SMOC2: variants seen among roughly 807,000 people sequenced by gnomAD.
SMOC2 encodes the protein SPARC-related modular calcium-binding protein 2.
In SMOC2, 39 loss-of-function variants were observed where a neutral mutation model predicts 61.4. That is an observed-to-expected ratio of 0.64 (90% CI 0.49 to 0.83). SMOC2 has a LOEUF of 0.83. Ranked by LOEUF, SMOC2 falls within the 40% of genes least tolerant of loss-of-function variation. The pLI is 0.00. For missense variants in SMOC2, 556 were observed against 592.9 expected (o/e 0.94, Z 0.65); for synonymous variants, 247 against 239.9 (o/e 1.03, Z -0.27).
chr6:168,449,755 TAGA>T (rs899180225), intron 1 of SMOC2, among the ~76,000 whole-genome samples: 4 of 152,264 alleles, frequency 2.6e-5, no homozygotes, highest in Non-Finnish European at 5.9e-5. Context: ...CTGGACCCTC[TAGA>T]AGGTTTCATT....
chr6:168,480,857 T>A (rs931273785), intron 1 of SMOC2, among the ~76,000 whole-genome samples: 1 of 152,076 alleles, frequency 6.6e-6, no homozygotes. Context: ...TCAGTAAGAT[T>A]AATAGCAGAT....
chr6:168,570,203 T>C (rs572630227), intron 7 of SMOC2, among the ~76,000 whole-genome samples: 5 of 152,008 alleles, frequency 3.3e-5, no homozygotes, highest in African/African-American at 7.2e-5. Flanking sequence ...AAATTGGCCA[T>C]GGGCTGAGCA....
intron 7 of SMOC2, among the ~76,000 whole-genome samples, chr6:168,555,286 G>T (rs577273044): frequency 1.3e-5 from 2 of 152,236 alleles, no homozygotes; most frequent in Admixed American, 1.3e-4. Flanking sequence ...GGTTCAACGC[G>T]CGGAGAAATT....
Position 168,510,032 on chromosome 6 carries a change from C to G in SMOC2, c.202C>G (p.Arg68Gly). The change falls in exon 2 of 13, where the codon CGT (arginine) becomes GGT (glycine). Residue 68 changes from arginine (R) to glycine (G), a missense_variant. Coordinates refer to ENST00000356284, the MANE Select transcript of SMOC2 (RefSeq NM_001166412.2). ...CTTCCTTTCCCGTTGTGAATTTCAA[C>G]GTGCCAAGTGCAAAGATCCCCAGCT... ...RTFLSRCEFQ[R>G]AKCKDPQLEI... The G allele has an allele frequency of 1.1e-5, 18 of 1,614,216 alleles. No individual in the cohort carries two copies. Among genetic ancestry groups the G allele is most frequent in the Non-Finnish European group, 1.5e-5 (18 of 1,180,046 alleles).
chr6:168,664,160 A>G, intron 12 of SMOC2, 49 bp downstream of exon 12: 3 of 1,438,892 alleles, frequency 2.1e-6, no homozygotes, highest in Non-Finnish European at 2.9e-6. Context: ...TTAAATTATA[A>G]ACAATAAAAA....
At chr6:168,442,642 T>C (rs975559240) in intron 1 of SMOC2, among the ~76,000 whole-genome samples, 1 of 152,392 alleles carries the variant, frequency 6.6e-6, no homozygotes, top group African/African-American at 2.4e-5. Flanking sequence ...AAAATAAAGA[T>C]GGTTGAAATA....
chr6:168,596,869 C>T (rs1785347395), intron 7 of SMOC2, among the ~76,000 whole-genome samples: 1 of 152,246 alleles, frequency 6.6e-6, no homozygotes, highest in Admixed American at 6.5e-5. Flanking sequence ...GGAGCCCACA[C>T]AGAACTTATA....
At chr6:168,624,266 C>G (rs754466909) in intron 9 of SMOC2, among the ~76,000 whole-genome samples, 1 of 152,176 alleles carries the variant, frequency 6.6e-6, no homozygotes, top group Non-Finnish European at 1.5e-5. Context: ...AAGACACCAC[C>G]CTCTGTAACT....
intron 9 of SMOC2, among the ~76,000 whole-genome samples, chr6:168,645,786 T>C (rs1456124500): frequency 6.6e-6 from 1 of 152,120 alleles, no homozygotes; most frequent in Non-Finnish European, 1.5e-5. Flanking sequence ...GACAGTCTTT[T>C]CTCAGGTGGC....
At chr6:168,564,014 G>A (rs1035377160) in intron 7 of SMOC2, among the ~76,000 whole-genome samples, 5 of 152,130 alleles carry the variant, frequency 3.3e-5, no homozygotes, top group Non-Finnish European at 4.4e-5. Context: ...CCTTGGAGAC[G>A]CAATTTAAGC....
chr6:168,474,446 A>G (rs1174974985), intron 1 of SMOC2, among the ~76,000 whole-genome samples: 1 of 151,952 alleles, frequency 6.6e-6, no homozygotes, highest in Non-Finnish European at 1.5e-5. Flanking sequence ...CCTCCTTTCC[A>G]GGCTCCAGCT....
At chr6:168,488,775 G>T (rs774949582) in intron 1 of SMOC2, among the ~76,000 whole-genome samples, 10 of 142,692 alleles carry the variant, frequency 7.0e-5, no homozygotes, top group Non-Finnish European at 1.5e-4. Flanking sequence ...GAAATATATC[G>T]AATCGTCTGG....
chr6:168,612,851 G>A lies in SMOC2; in HGVS notation c.907+4612G>A, dbSNP rs538905294. ...TGTCCAGAGCAGAGCAGGCCCAGTC[G>A]CCGGCAGGTTCAGGGCAGGAGCATC... On this transcript the variant is annotated intron_variant, in intron 9 of 12. Coordinates refer to ENST00000356284, the MANE Select transcript of SMOC2 (RefSeq NM_001166412.2). Among the ~76,000 whole-genome samples the A allele has an allele frequency of 2.4e-4, 37 of 152,312 alleles. No homozygotes were observed. In the South Asian group the frequency reaches 3.7e-3, roughly 15 times the overall value.
At chr6:168,618,351 T>C (rs549134799) in intron 9 of SMOC2, among the ~76,000 whole-genome samples, 1 of 151,914 alleles carries the variant, frequency 6.6e-6, no homozygotes, top group South Asian at 2.1e-4. Context: ...GGTAGTGGCA[T>C]TAAGAGGAGA....
At chr6:168,470,883 A>G (rs1180627802) in intron 1 of SMOC2, among the ~76,000 whole-genome samples, 2 of 152,212 alleles carry the variant, frequency 1.3e-5, no homozygotes, top group African/African-American at 4.8e-5. Flanking sequence ...ATTGATAATT[A>G]AAGAGAAGTA....
intron 9 of SMOC2, among the ~76,000 whole-genome samples, chr6:168,632,827 C>A (rs2115249291): frequency 6.6e-6 from 1 of 152,302 alleles, no homozygotes; most frequent in African/African-American, 2.4e-5. Flanking sequence ...TCAGCCCATC[C>A]TTTTGATGCC....
At chr6:168,599,276 T>TCA (rs1297738460) in intron 8 of SMOC2, among the ~76,000 whole-genome samples, 1 of 92,504 alleles carries the variant, frequency 1.1e-5, no homozygotes, top group African/African-American at 4.5e-5. Flanking sequence ...ACCCACGCTC[T>TCA]CACACACCCA....
rs555204711 is a variant in SMOC2, at chr6:168,631,682, G to A, written c.908-18999G>A. 1.8e-4 allele frequency among the ~76,000 whole-genome samples: 27 copies of A among 146,530 alleles called. 1 individual carries two copies. Among genetic ancestry groups the A allele is most frequent in the African/African-American group, 7.2e-4 (26 of 36,106 alleles). On this transcript the variant is annotated intron_variant, in intron 9 of 12. Coordinates refer to ENST00000356284, the MANE Select transcript of SMOC2 (RefSeq NM_001166412.2). ...GGTTGTGTTTTCATATTTCCTCCTC[G>A]TCTTGAAGGAATGCAGACATTGGTT...
chr6:168,467,187 A>T (rs992904346), intron 1 of SMOC2, among the ~76,000 whole-genome samples: 1 of 148,230 alleles, frequency 6.7e-6, no homozygotes, highest in Non-Finnish European at 1.5e-5. Context: ...ACACACGTTT[A>T]TTTCGAGACA....
Sources: allele counts gnomAD v4.1 joint callset (sites outside exome capture counted in the v4.1 genomes callset), GRCh38; gene constraint gnomAD v4.1.1; transcripts MANE v1.5; gene names NCBI Gene and HGNC (gene_info 2026-07-23, HGNC 2026-07-21).